The following TAF3 variants were observed in gnomAD, a reference collection of about 807,000 sequenced individuals.
TAF3 encodes TATA-box binding protein associated factor 3.
A neutral mutation model predicts 80.6 loss-of-function variants in TAF3; 7 were observed. The observed-to-expected ratio is 0.09, with a 90% CI of 0.05 to 0.16. The LOEUF (loss-of-function observed/expected upper bound fraction) is 0.16. Ranked by LOEUF, TAF3 falls within the 10% of genes least tolerant of loss-of-function variation. The pLI, the probability that TAF3 is intolerant of heterozygous loss-of-function variation, is 1.00. For synonymous variants in TAF3, 444 were observed against 446.1 expected, an observed-to-expected ratio of 1.00 and a Z score of 0.06; for missense variants, 921 against 1,140.2, an observed-to-expected ratio of 0.81 and a Z score of 2.77.
intron 2 of TAF3, among the ~76,000 whole-genome samples, chr10:7,956,676 G>C (rs1228862083): frequency 6.6e-6 from 1 of 152,150 alleles, no homozygotes; most frequent in Admixed American, 6.5e-5. Flanking sequence ...ATGAATTTGT[G>C]CTGAGTCATT....
chr10:7,830,712 G>C lies in TAF3; in HGVS notation c.409+6152G>C, dbSNP rs148448912. ...TTGGCCAGGCTGGTCTGGAACTCCT[G>C]ACCTCAAGTGATCCGCCAGCCTCGG... On this transcript the variant is annotated intron_variant, in intron 2 of 6. Transcript: ENST00000344293. 4.0e-3 allele frequency among the ~76,000 whole-genome samples: 610 copies of C among 152,108 alleles called. 6 individuals carry two copies. The highest frequency in any genetic ancestry group is 0.014 in the African/African-American group (581 of 41,510).
intron 2 of TAF3, among the ~76,000 whole-genome samples, chr10:7,871,434 G>GTTTTTTTTTTTTTTTTTT (rs1837263649): frequency 1.5e-5 from 1 of 64,768 alleles, no homozygotes; most frequent in Non-Finnish European, 3.1e-5. Context: ...AATAACTGCT[G>GTTTTTTTTTTTTTTTTTT]CTTTTTTTTT....
At position 7,879,137 on chromosome 10, in the gene TAF3, A is replaced by G. The variant is rs139376350; in HGVS notation, c.409+54577A>G. Among the ~76,000 whole-genome samples, 566 of 152,286 alleles carry G rather than the reference A, an allele frequency of 3.7e-3. 4 individuals carry two copies. Among genetic ancestry groups the G allele is most frequent in the South Asian group, 0.02 (95 of 4,832 alleles). ...ATTTTATGAAATGTTTAATATGGCCATGTTTAGAGGTTTTTTTGAAGTGTT... is the reference window on the plus strand; with the variant it reads ...ATTTTATGAAATGTTTAATATGGCCGTGTTTAGAGGTTTTTTTGAAGTGTT... On this transcript the variant is annotated intron_variant, in intron 2 of 6. Coordinates refer to ENST00000344293, the MANE Select transcript of TAF3 (RefSeq NM_031923.4).
chr10:7,991,173 A>G lies in TAF3; in HGVS notation c.2315+13850A>G, dbSNP rs527904235. ...TTCTTATGTACATAGATACATACAT[A>G]TATATGTATAGATACACACACACAC... On this transcript the variant is annotated intron_variant, in intron 4 of 6. Transcript: ENST00000344293. Among the ~76,000 whole-genome samples the G allele has an allele frequency of 1.5e-3, 235 of 152,242 alleles. 1 individual carries two copies. Among genetic ancestry groups the G allele is most frequent in the Non-Finnish European group, 2.9e-3 (199 of 68,020 alleles).
In TAF3 at chr10:8,014,771, C is replaced by T; in HGVS notation, c.*20C>T. 6.4e-7 allele frequency: 1 copy of T among 1,565,010 alleles called. No homozygotes were observed. Among genetic ancestry groups the T allele is most frequent in the Non-Finnish European group, 8.7e-7 (1 of 1,154,712 alleles). ...CACTGACGACTCCCGAGGGGCTGGA[C>T]CAAGCGGGGTCAGCCCGGGCTTCTT... On this transcript the variant is annotated 3_prime_UTR_variant, in exon 7 of 7. Coordinates refer to ENST00000344293, the MANE Select transcript of TAF3 (RefSeq NM_031923.4).
intron 4 of TAF3, among the ~76,000 whole-genome samples, chr10:7,997,525 C>G (rs963926805): frequency 3.9e-5 from 6 of 152,174 alleles, no homozygotes; most frequent in African/African-American, 1.4e-4. Context: ...AGCTCATGAC[C>G]CATTCTATTT....
intron 2 of TAF3, among the ~76,000 whole-genome samples, chr10:7,905,340 A>G (rs1007176217): frequency 6.6e-6 from 1 of 152,214 alleles, no homozygotes; most frequent in African/African-American, 2.4e-5. Flanking sequence ...TGATTTTGAC[A>G]TTAGAGTTTT....
chr10:8,006,856 G>A (rs560928696), intron 4 of TAF3, among the ~76,000 whole-genome samples: 27 of 152,346 alleles, frequency 1.8e-4, no homozygotes, highest in African/African-American at 6.3e-4. Context: ...TTCCCATCTG[G>A]ATGCAGTTTT....
In TAF3 at chr10:7,852,384, G is replaced by A. The variant is rs1211953720; in HGVS notation, c.409+27824G>A. On this transcript the variant is annotated intron_variant, in intron 2 of 6. Transcript: ENST00000344293. ...AAATAACATCCACACGTTGTGACTG[G>A]TTGATCTCTCTCCCTCTCTCATTCT... Among the ~76,000 whole-genome samples the A allele has an allele frequency of 2.6e-5, 4 of 152,240 alleles. No individual in the cohort carries two copies. In the East Asian group the frequency reaches 7.7e-4, roughly 29 times the overall value.
chr10:7,956,519 A>G (rs777167104), intron 2 of TAF3, among the ~76,000 whole-genome samples: 2 of 152,208 alleles, frequency 1.3e-5, no homozygotes, highest in Non-Finnish European at 2.9e-5. Flanking sequence ...ATAATTTTAC[A>G]GTCAAATGTT....
intron 2 of TAF3, among the ~76,000 whole-genome samples, chr10:7,833,216 A>G (rs1375257468): frequency 6.6e-6 from 1 of 152,188 alleles, no homozygotes; most frequent in Non-Finnish European, 1.5e-5. Flanking sequence ...TTTTGGGTAA[A>G]TACTCAGGAG....
chr10:7,897,539 C>T (rs113948596), intron 2 of TAF3, among the ~76,000 whole-genome samples: 1,715 of 152,180 alleles, frequency 0.011, 20 homozygotes, highest in Middle Eastern at 0.031. Flanking sequence ...TTCATGGTAC[C>T]GCTAAGGCAA....
intron 3 of TAF3, among the ~76,000 whole-genome samples, chr10:7,969,958 A>G (rs1292000775): frequency 6.6e-6 from 1 of 152,234 alleles, no homozygotes; most frequent in Non-Finnish European, 1.5e-5. Context: ...TCTAAAGTTT[A>G]ACTTATCTCT....
intron 2 of TAF3, among the ~76,000 whole-genome samples, chr10:7,825,553 T>C (rs148395240): frequency 4.4e-3 from 673 of 152,140 alleles, no homozygotes; most frequent in Non-Finnish European, 8.2e-3. Flanking sequence ...TGAATTTGTC[T>C]ATTCTAGGTA....
rs994389408 is a variant in TAF3 at position 7,965,262 on chromosome 10, G to A, written c.1752G>A (p.Glu584=). ...YPWKEFLKEE[E]ADPYKFKIKE... The stretch of plus-strand genomic sequence containing the variant: ...GGAAGGAATTTCTTAAAGAGGAAGA[G>A]GCAGATCCCTACAAGTTTAAAATCA... Residue 584 remains glutamate, a synonymous_variant, in exon 3 of 7, where the codon GAG becomes GAA. Transcript: ENST00000344293. The A allele has an allele frequency of 6.2e-7, 1 of 1,609,196 alleles. No homozygotes were observed.
intron 2 of TAF3, among the ~76,000 whole-genome samples, chr10:7,960,360 G>T (rs1454160097): frequency 6.6e-6 from 1 of 151,046 alleles, no homozygotes; most frequent in African/African-American, 2.4e-5. Context: ...TCTAGGACAG[G>T]GGTCAGCAAA....
At chr10:7,825,204 G>A (rs367562133) in intron 2 of TAF3, among the ~76,000 whole-genome samples, 9 of 152,174 alleles carry the variant, frequency 5.9e-5, no homozygotes, top group African/African-American at 2.2e-4. Flanking sequence ...TCTAACACAA[G>A]TACACGATAT....
chr10:7,905,474 G>T (rs918654203), intron 2 of TAF3, among the ~76,000 whole-genome samples: 2 of 152,046 alleles, frequency 1.3e-5, no homozygotes, highest in African/African-American at 2.4e-5. Flanking sequence ...TTTTAGTTTG[G>T]ATAACGAGTT....
At chr10:7,875,341 T>C (rs1837304017) in intron 2 of TAF3, among the ~76,000 whole-genome samples, 1 of 152,230 alleles carries the variant, frequency 6.6e-6, no homozygotes, top group South Asian at 2.1e-4. Flanking sequence ...CTTTGGCTTA[T>C]TAATCTTTAT....
Sources: allele counts gnomAD v4.1 joint callset (sites outside exome capture counted in the v4.1 genomes callset), GRCh38; gene constraint gnomAD v4.1.1; transcripts MANE v1.5; gene names NCBI Gene and HGNC (gene_info 2026-07-23, HGNC 2026-07-21).